The following NBPF8 variants were observed in gnomAD, a reference collection of about 807,000 sequenced individuals.
The protein encoded by NBPF8 is NBPF member 8.
At chr1:120,461,016 C>CTGTGTGTGTGTGTGTGTGTGTG (rs202089337) in intron 18 of NBPF8, among the ~76,000 whole-genome samples, 2 of 131,208 alleles carry the variant, frequency 1.5e-5, no homozygotes, top group Admixed American at 7.7e-5. Context: ...TGAGCTCGAA[C>CTGTGTGTGTGTGTGTGTGTGTG]TGTGTGTGTG....
intron 1 of NBPF8, among the ~76,000 whole-genome samples, chr1:120,424,620 G>T (rs1660661479): frequency 6.6e-6 from 1 of 151,714 alleles, no homozygotes; most frequent in Admixed American, 6.6e-5. Flanking sequence ...GCTAATGTTT[G>T]TATTTTTGGT....
rs1553248994 is a variant in NBPF8, at chr1:120,452,245, C to T, written n.2203C>T. The T allele has an allele frequency of 3.9e-3, 4,994 of 1,272,160 alleles. 113 individuals carry two copies. Among genetic ancestry groups the T allele is most frequent in the Admixed American group, 0.032 (1,837 of 57,962 alleles). The allele number at this position is 1,272,160 out of a possible 1,614,324, so 78.8% of individuals were successfully genotyped here. On this transcript the variant is annotated non_coding_transcript_exon_variant, in exon 13 of 25. Coordinates refer to ENST00000583271, the Ensembl canonical transcript of NBPF8. ...CAGGCCCTCCTCACTCCGGATGAGCCGGACAAGTCCCAGGGGCAGGACCTC... is the reference window on the plus strand; with the variant it reads ...CAGGCCCTCCTCACTCCGGATGAGCTGGACAAGTCCCAGGGGCAGGACCTC...
chr1:120,456,372 G>A (rs1294017495), intron 16 of NBPF8, among the ~76,000 whole-genome samples: 2 of 149,470 alleles, frequency 1.3e-5, no homozygotes, highest in African/African-American at 2.5e-5. Context: ...GGGTGTTAAA[G>A]TCTCCCATTA....
chr1:120,452,652 A>T (rs1661314572), intron 13 of NBPF8, among the ~76,000 whole-genome samples: 2 of 152,262 alleles, frequency 1.3e-5, no homozygotes, highest in Admixed American at 6.5e-5. Flanking sequence ...TGGACTAAGA[A>T]TGAAGGTTCC....
chr1:120,421,143 A>G (rs1322786708), intron 1 of NBPF8, among the ~76,000 whole-genome samples: 1 of 151,980 alleles, frequency 6.6e-6, no homozygotes, highest in African/African-American at 2.4e-5. Flanking sequence ...TTATCCAAAG[A>G]CAAGACTCAG....
At chr1:120,432,287 G>C (rs1553247163), upstream of NBPF8, 1 of 109,738 alleles carries the variant, frequency 9.1e-6, no homozygotes, top group South Asian at 3.0e-4. Flanking sequence ...TCGTTATTTC[G>C]TCATGCTTTA....
chr1:120,436,240 C>T, upstream of NBPF8: 1 of 617,098 alleles, frequency 1.6e-6, no homozygotes, highest in Non-Finnish European at 2.8e-6. Context: ...AGACGGTTAC[C>T]TGGCACGCTG....
intron 15 of NBPF8, among the ~76,000 whole-genome samples, chr1:120,454,409 T>G (rs1661376115): frequency 6.6e-6 from 1 of 151,762 alleles, no homozygotes; most frequent in Non-Finnish European, 1.5e-5. Context: ...TCTCTTGTCA[T>G]CTGTGATTAA....
intron 24 of NBPF8, among the ~76,000 whole-genome samples, chr1:120,465,587 AG>A (rs1179801629): frequency 7.0e-6 from 1 of 142,254 alleles, no homozygotes; most frequent in Non-Finnish European, 1.5e-5. Context: ...ATACTTCAAA[AG>A]CTGTACTCTC....
intron 1 of NBPF8, among the ~76,000 whole-genome samples, chr1:120,422,684 C>T (rs1281631783): frequency 1.4e-5 from 2 of 144,862 alleles, no homozygotes; most frequent in Admixed American, 6.8e-5. Flanking sequence ...GATAAAATTG[C>T]TGCAAGTACT....
exon 25 of NBPF8, chr1:120,467,705 T>C (rs1453027617): frequency 6.6e-6 from 1 of 151,798 alleles, no homozygotes; most frequent in Non-Finnish European, 1.5e-5. Context: ...CCAAAGTTAA[T>C]TTTAATCTAT....
chr1:120,463,111 T>A (rs1661638179), intron 21 of NBPF8, 145 bp downstream of exon 19: 3 of 700,810 alleles, frequency 4.3e-6, no homozygotes, highest in Admixed American at 2.0e-5. Flanking sequence ...GTAATGAGAC[T>A]GTAGTCTCAG....
chr1:120,452,309 C>T (rs1553249018), exon 13 of NBPF8: 13 of 1,449,666 alleles, frequency 9.0e-6, no homozygotes, highest in African/African-American at 1.5e-5. Context: ...TGGCACAGCA[C>T]CTTGTCCAAA....
downstream of NBPF8, among the ~76,000 whole-genome samples, chr1:120,468,640 C>CCAT (rs1237574091): frequency 6.8e-6 from 1 of 146,972 alleles, no homozygotes; most frequent in African/African-American, 2.6e-5. Context: ...CCGTGCCTCC[C>CCAT]CATCTCCCAG....
chr1:120,463,411 C>T (rs1317480833), intron 21 of NBPF8, among the ~76,000 whole-genome samples: 1 of 86,822 alleles, frequency 1.2e-5, no homozygotes, highest in Non-Finnish European at 2.2e-5. Context: ...CTGATGGGAA[C>T]AATAAGGCAT....
In NBPF8 at chr1:120,460,626, T is replaced by C; in HGVS notation, n.2836+2T>C. ...GGACCAAGAGGCAACAGGTCCCAGG[T>C]GAGTCTGAGAAATTGTGGACAGTTA... On this transcript the variant is annotated splice_donor_variant and non_coding_transcript_variant, in intron 18 of 24. Coordinates refer to ENST00000583271, the Ensembl canonical transcript of NBPF8. The C allele has an allele frequency of 1.6e-6, 2 of 1,285,276 alleles. No homozygotes were observed. The highest frequency in any genetic ancestry group is 2.2e-6 in the Non-Finnish European group (2 of 894,056). 79.6% of individuals were successfully genotyped at this position (1,285,276 alleles called of 1,614,324 possible).
At chr1:120,451,771 G>A (rs1372763108) in intron 12 of NBPF8, among the ~76,000 whole-genome samples, 6 of 148,008 alleles carry the variant, frequency 4.1e-5, no homozygotes, top group Admixed American at 6.9e-5. Flanking sequence ...TCTAGTGGCC[G>A]CAAGATGCAC....
upstream of NBPF8, among the ~76,000 whole-genome samples, chr1:120,415,836 T>C (rs1450317862): frequency 6.6e-6 from 1 of 152,128 alleles, no homozygotes; most frequent in Non-Finnish European, 1.5e-5. Context: ...GGTTGGATTG[T>C]GGGGTTGGTG....
chr1:120,430,832 T>C (rs1391045871), intron 3 of NBPF8, among the ~76,000 whole-genome samples: 1 of 151,574 alleles, frequency 6.6e-6, no homozygotes, highest in Admixed American at 6.6e-5. Flanking sequence ...AAAATTGCTT[T>C]AAGAAATTAT....
Sources: gnomAD v4.1 joint callset for allele counts (sites outside exome capture counted in the v4.1 genomes callset) on GRCh38, gnomAD v4.1.1 for gene constraint, MANE v1.5 for transcripts, NCBI Gene and HGNC (gene_info 2026-07-23, HGNC 2026-07-21) for gene names.